SFMBT2: variants seen among roughly 807,000 people sequenced by gnomAD.
SFMBT2 encodes the protein scm-like with four MBT domains protein 2.
In SFMBT2, 38 loss-of-function variants were observed where a neutral mutation model predicts 110.1. That is an observed-to-expected ratio of 0.35 (90% CI 0.27 to 0.45). SFMBT2 has a LOEUF of 0.45. SFMBT2 is among the 20% of genes least tolerant of loss of function. The probability of loss-of-function intolerance (pLI) is 1.00; values close to 1 mark genes in which losing one functional copy is unlikely to be tolerated. For missense variants in SFMBT2, 1,011 were observed against 1,094.9 expected, an observed-to-expected ratio of 0.92 and a Z score of 1.08; for synonymous variants, 425 against 425.4, an observed-to-expected ratio of 1.00 and a Z score of 0.01.
At chr10:7,390,691 G>T (rs60569281) in intron 1 of SFMBT2, among the ~76,000 whole-genome samples, 15,148 of 152,248 alleles carry the variant, frequency 0.099, 904 homozygotes, top group African/African-American at 0.16. Context: ...CTTATTAAAA[G>T]GGGAAAAGTT....
chr10:7,175,196 T>C (rs1588766263), intron 17 of SFMBT2, among the ~76,000 whole-genome samples: 1 of 152,018 alleles, frequency 6.6e-6, no homozygotes, highest in African/African-American at 2.4e-5. Flanking sequence ...TAGAGAGAAC[T>C]GAGGGGAGAC....
chr10:7,344,023 T>C (rs150777117), intron 4 of SFMBT2, among the ~76,000 whole-genome samples: 70 of 152,322 alleles, frequency 4.6e-4, no homozygotes, highest in Middle Eastern at 3.4e-3. Context: ...ATTCATATGC[T>C]CTGAAAGATA....
intron 4 of SFMBT2, among the ~76,000 whole-genome samples, chr10:7,332,387 G>A (rs1214060977): frequency 2.0e-5 from 3 of 152,172 alleles, no homozygotes; most frequent in Non-Finnish European, 4.4e-5. Flanking sequence ...GCAAAAGGGT[G>A]CTATTCATCA....
At chr10:7,374,852 C>A (rs1366124289) in intron 2 of SFMBT2, among the ~76,000 whole-genome samples, 1 of 152,216 alleles carries the variant, frequency 6.6e-6, no homozygotes, top group Non-Finnish European at 1.5e-5. Context: ...GGGTCACGTA[C>A]AACCCTTCCC....
At chr10:7,218,423 T>C (rs1316354785) in intron 11 of SFMBT2, among the ~76,000 whole-genome samples, 1 of 152,248 alleles carries the variant, frequency 6.6e-6, no homozygotes, top group South Asian at 2.1e-4. Context: ...TTTATTTGTA[T>C]GCAGTATCTT....
chr10:7,178,739 C>T (rs915472069), intron 16 of SFMBT2, among the ~76,000 whole-genome samples: 18 of 152,164 alleles, frequency 1.2e-4, no homozygotes, highest in African/African-American at 2.4e-4. Flanking sequence ...AAAGCAGATT[C>T]GATGGGTTCT....
At chr10:7,235,598 ACACAT>A (rs1182595289) in intron 9 of SFMBT2, among the ~76,000 whole-genome samples, 3 of 151,780 alleles carry the variant, frequency 2.0e-5, no homozygotes, top group Non-Finnish European at 4.4e-5. Flanking sequence ...TACCACACAT[ACACAT>A]CACATATTAG....
Position 7,333,148 on chromosome 10 carries a change from T to C in SFMBT2, c.436+34501A>G, listed in dbSNP as rs374061236. 2.0e-4 allele frequency among the ~76,000 whole-genome samples: 31 copies of C among 152,290 alleles called. No homozygotes were observed. In the East Asian group the frequency reaches 3.7e-3, roughly 18 times the overall value. ...TCCCAAAGTGCTGGGATTATAGGTGTGAGCCACTGCGCCTTGCCAGAAACA... is the reference window on the plus strand; with the variant it reads ...TCCCAAAGTGCTGGGATTATAGGTGCGAGCCACTGCGCCTTGCCAGAAACA... On this transcript the variant is annotated intron_variant, in intron 4 of 20. Coordinates refer to ENST00000397167, the MANE Select transcript of SFMBT2 (RefSeq NM_001387889.1).
intron 20 of SFMBT2, among the ~76,000 whole-genome samples, chr10:7,168,670 T>A (rs185980314): frequency 1.7e-4 from 26 of 152,280 alleles, no homozygotes; most frequent in African/African-American, 5.1e-4. Flanking sequence ...GGCAACGTGC[T>A]GTGCTGGGCA....
Position 7,163,767 on chromosome 10 carries a change from G to C in SFMBT2, c.*3C>G. ...AATAATGGGCCACCTCCCGAGGGCAGACTCAGTTGGCGTACTGGGCGTAGA... is the reference window on the plus strand; with the variant it reads ...AATAATGGGCCACCTCCCGAGGGCACACTCAGTTGGCGTACTGGGCGTAGA... On this transcript the variant is annotated 3_prime_UTR_variant, in exon 21 of 21. Coordinates refer to ENST00000397167, the MANE Select transcript of SFMBT2 (RefSeq NM_001387889.1). The surrounding 1 kb of genome is among the most constrained non-coding windows in gnomAD (Gnocchi z 4.8). 6.2e-7 allele frequency: 1 copy of C among 1,613,664 alleles called. No individual in the cohort carries two copies. Among genetic ancestry groups the C allele is most frequent in the South Asian group, 1.1e-5 (1 of 91,030 alleles).
chr10:7,370,313 C>G lies in SFMBT2; in HGVS notation c.163G>C (p.Ala55Pro). 1 of 1,614,158 alleles carries G rather than the reference C, an allele frequency of 6.2e-7. No individual in the cohort carries two copies. Residue 55 changes from alanine to proline, a missense_variant, in exon 3 of 21, where the codon GCA (alanine) becomes CCA (proline). By Grantham distance (27) the Ala-to-Pro change is conservative. Coordinates refer to ENST00000397167, the MANE Select transcript of SFMBT2 (RefSeq NM_001387889.1). ...AATGATGTGTGGGGAGCAGCACTTG[C>G]TCCTGTCTCTTCCAAATATTCTCCC... ...NWGEYLEETG[A>P]SAAPHTSFKH...
Position 7,192,681 on chromosome 10 carries a change from A to G in SFMBT2, c.1699-3948T>C, listed in dbSNP as rs1838635980. On this transcript the variant is annotated intron_variant, in intron 15 of 20. Coordinates refer to ENST00000397167, the MANE Select transcript of SFMBT2 (RefSeq NM_001387889.1). ...AAATCGAAACCGTAAATAACAGCTG[A>G]GGCCAAATCCCAAACCGCCAGGTCC... is the stretch of plus-strand genomic sequence containing the variant. Among the ~76,000 whole-genome samples the G allele has an allele frequency of 2.0e-5, 3 of 152,210 alleles. 1 individual carries two copies. In the South Asian group the frequency reaches 6.2e-4, roughly 31 times the overall value.
intron 4 of SFMBT2, among the ~76,000 whole-genome samples, chr10:7,324,791 A>G (rs1229111646): frequency 2.6e-5 from 4 of 152,118 alleles, no homozygotes; most frequent in African/African-American, 9.7e-5. Context: ...GGTGGCCGCC[A>G]TCTTGCTACG....
intron 14 of SFMBT2, among the ~76,000 whole-genome samples, chr10:7,199,098 C>T (rs995893095): frequency 6.6e-6 from 1 of 152,136 alleles, no homozygotes; most frequent in Non-Finnish European, 1.5e-5. Flanking sequence ...CCTGCCTGAG[C>T]CTCCTAAGTA....
chr10:7,272,633 G>A (rs1344291523), intron 7 of SFMBT2, among the ~76,000 whole-genome samples: 1 of 152,122 alleles, frequency 6.6e-6, no homozygotes, highest in African/African-American at 2.4e-5. Flanking sequence ...CTCTCCACGT[G>A]GCTCCTGGAA....
At chr10:7,271,482 C>T (rs1841581683) in intron 7 of SFMBT2, among the ~76,000 whole-genome samples, 1 of 152,022 alleles carries the variant, frequency 6.6e-6, no homozygotes, top group Non-Finnish European at 1.5e-5. Flanking sequence ...CGGTATTATA[C>T]AAGGAGCTGC....
rs1433302930 is a variant in SFMBT2 at position 7,206,484 on chromosome 10, TTCTC to T, written c.1331-560_1331-557del. ...TGAGCAGTGTACGTGGACAAGGCCCTTCTCTAGGAAACCTGACAACTTATCAGTT... is the reference window on the plus strand; with the variant it reads ...TGAGCAGTGTACGTGGACAAGGCCCTTAGGAAACCTGACAACTTATCAGTT... On this transcript the variant is annotated intron_variant, in intron 11 of 20. Transcript: ENST00000397167. 2.1e-4 allele frequency: 203 copies of T among 985,422 alleles called. 2 individuals carry two copies. The African/African-American group carries it at 3.2e-3, about 16-fold the overall frequency. The allele number at this position is 985,422 out of a possible 1,614,324, so 61.0% of individuals were successfully genotyped here. A position where few individuals can be genotyped will look rare whatever the true frequency, so the allele number is the denominator to read the frequency against.
rs114989050 is a variant in SFMBT2 at position 7,343,375 on chromosome 10, T to C, written c.436+24274A>G. Among the ~76,000 whole-genome samples, 613 of 152,324 alleles carry C rather than the reference T, an allele frequency of 4.0e-3. 6 individuals carry two copies. The highest frequency in any genetic ancestry group is 0.011 in the African/African-American group (464 of 41,554). ...CACACACGTGCATGTGTCTTTAAGG[T>C]AGAATGATTTCTATTCCTTTGGGTA... is the stretch of plus-strand genomic sequence containing the variant. On this transcript the variant is annotated intron_variant, in intron 4 of 20. Coordinates refer to ENST00000397167, the MANE Select transcript of SFMBT2 (RefSeq NM_001387889.1).
At chr10:7,186,814 G>C (rs1438701823) in intron 16 of SFMBT2, among the ~76,000 whole-genome samples, 1 of 152,190 alleles carries the variant, frequency 6.6e-6, no homozygotes, top group African/African-American at 2.4e-5. Context: ...CAGTATCAGA[G>C]CAGGAGAGCT....
Sources: allele counts gnomAD v4.1 joint callset (sites outside exome capture counted in the v4.1 genomes callset), GRCh38; gene constraint gnomAD v4.1.1; non-coding constraint Gnocchi (gnomAD v3.1); transcripts MANE v1.5; gene names NCBI Gene and HGNC (gene_info 2026-07-23, HGNC 2026-07-21).